Variants in ATXN8OS observed in about 807,000 individuals in gnomAD.
The protein encoded by ATXN8OS is ATXN8 opposite strand (non-protein coding).
chr13:70,145,267 T>G (rs1257184297), intron 3 of ATXN8OS, among the ~76,000 whole-genome samples: 1 of 152,152 alleles, frequency 6.6e-6, no homozygotes, highest in Non-Finnish European at 1.5e-5. Flanking sequence ...TGTAGTATAG[T>G]TTCAAGTCAG....
At chr13:70,133,198 G>A (rs150746261) in intron 3 of ATXN8OS, among the ~76,000 whole-genome samples, 1,527 of 152,310 alleles carry the variant, frequency 0.01, 25 homozygotes, top group African/African-American at 0.035. Context: ...CTGAAGCCAG[G>A]ATTTCGAGAG....
intron 3 of ATXN8OS, among the ~76,000 whole-genome samples, chr13:70,138,744 T>C (rs1174992120): frequency 3.3e-5 from 5 of 152,142 alleles, no homozygotes; most frequent in Admixed American, 1.3e-4. Flanking sequence ...ACAAATTCCA[T>C]ACACTAAACA....
chr13:70,125,479 A>G (rs1250697113), intron 2 of ATXN8OS, among the ~76,000 whole-genome samples: 1 of 152,166 alleles, frequency 6.6e-6, no homozygotes, highest in Admixed American at 6.5e-5. Context: ...CAAGTATTCA[A>G]TGGGTACTCA....
At chr13:70,139,838 A>G (rs765729430) in intron 3 of ATXN8OS, among the ~76,000 whole-genome samples, 12 of 152,094 alleles carry the variant, frequency 7.9e-5, no homozygotes, top group Non-Finnish European at 1.5e-4. Flanking sequence ...CTATACAACT[A>G]TTCTTGTAAG....
chr13:70,127,627 C>T (rs9542180), intron 2 of ATXN8OS, among the ~76,000 whole-genome samples: 32,532 of 151,668 alleles, frequency 0.21, 3,895 homozygotes, highest in South Asian at 0.39. Context: ...ACAACACGTA[C>T]TTTCACCAGA....
chr13:70,159,561 A>C (rs1888978518), intron 4 of ATXN8OS, among the ~76,000 whole-genome samples: 1 of 152,120 alleles, frequency 6.6e-6, no homozygotes, highest in South Asian at 2.1e-4. Flanking sequence ...CGTGCATACC[A>C]TACAATTTAC....
chr13:70,156,016 G>T (rs1379815089), intron 4 of ATXN8OS, among the ~76,000 whole-genome samples: 1 of 151,816 alleles, frequency 6.6e-6, no homozygotes, highest in Admixed American at 6.6e-5. Flanking sequence ...CAATGTATAG[G>T]TTATCAAATG....
chr13:70,142,217 T>C (rs1019688471), intron 3 of ATXN8OS, among the ~76,000 whole-genome samples: 19 of 152,320 alleles, frequency 1.2e-4, no homozygotes, highest in African/African-American at 4.1e-4. Flanking sequence ...TGGGTATTTG[T>C]GTGTTTCTAG....
intron 3 of ATXN8OS, among the ~76,000 whole-genome samples, chr13:70,143,652 C>T (rs1439665158): frequency 1.3e-5 from 2 of 152,090 alleles, no homozygotes; most frequent in Admixed American, 6.6e-5. Context: ...GGGTACCTCA[C>T]CTCTGTTTTA....
intron 3 of ATXN8OS, among the ~76,000 whole-genome samples, chr13:70,145,582 G>C (rs1253634846): frequency 1.3e-5 from 2 of 151,948 alleles, no homozygotes; most frequent in African/African-American, 4.8e-5. Flanking sequence ...TTGTAAGTTG[G>C]ATTCCTAGGT....
intron 2 of ATXN8OS, among the ~76,000 whole-genome samples, chr13:70,128,692 T>G (rs1384192176): frequency 6.6e-6 from 1 of 152,080 alleles, no homozygotes; most frequent in East Asian, 1.9e-4. Flanking sequence ...AATGCAAAAT[T>G]TACTCTTGTG....
intron 4 of ATXN8OS, among the ~76,000 whole-genome samples, chr13:70,167,626 G>A (rs574201508): frequency 2.0e-5 from 3 of 146,702 alleles, no homozygotes; most frequent in South Asian, 2.2e-4. Flanking sequence ...TAACCTGCAC[G>A]TTGTGCACAT....
At chr13:70,166,946 C>A (rs1241031324) in intron 4 of ATXN8OS, among the ~76,000 whole-genome samples, 2 of 151,498 alleles carry the variant, frequency 1.3e-5, no homozygotes, top group African/African-American at 2.4e-5. Flanking sequence ...CAGAGAAATG[C>A]AAATCAAAAC....
chr13:70,121,862 T>C (rs1331022840), intron 2 of ATXN8OS, among the ~76,000 whole-genome samples: 2 of 152,196 alleles, frequency 1.3e-5, no homozygotes, highest in East Asian at 3.9e-4. Flanking sequence ...AGGAATGTTA[T>C]GTGCAATTAA....
intron 3 of ATXN8OS, among the ~76,000 whole-genome samples, chr13:70,145,118 T>C (rs1036948973): frequency 3.3e-5 from 5 of 152,062 alleles, no homozygotes; most frequent in Non-Finnish European, 1.5e-5. Context: ...ATCCTTTCCC[T>C]ATTTCTTGTT....
intron 2 of ATXN8OS, among the ~76,000 whole-genome samples, chr13:70,129,466 G>T (rs1888496733): frequency 6.6e-6 from 1 of 151,712 alleles, no homozygotes; most frequent in South Asian, 2.1e-4. Flanking sequence ...GATACACTCA[G>T]GCTTTCTTTC....
chr13:70,165,703 G>T (rs1205379189), intron 4 of ATXN8OS, among the ~76,000 whole-genome samples: 6 of 151,834 alleles, frequency 4.0e-5, no homozygotes, highest in African/African-American at 1.5e-4. Context: ...TAGAGCTCAG[G>T]GAAGCAAATT....
At chr13:70,154,678 A>G (rs1888914707) in intron 4 of ATXN8OS, among the ~76,000 whole-genome samples, 1 of 151,846 alleles carries the variant, frequency 6.6e-6, no homozygotes, top group Non-Finnish European at 1.5e-5. Context: ...TGCTCTAGAG[A>G]CTCTCCCAGC....
At chr13:70,127,521 A>G (rs1445394786) in intron 2 of ATXN8OS, among the ~76,000 whole-genome samples, 1 of 152,106 alleles carries the variant, frequency 6.6e-6, no homozygotes, top group Non-Finnish European at 1.5e-5. Flanking sequence ...CATGATTTCT[A>G]TAATCATGTA....
Sources: gnomAD v4.1 joint callset for allele counts (sites outside exome capture counted in the v4.1 genomes callset) on GRCh38, gnomAD v4.1.1 for gene constraint, MANE v1.5 for transcripts, NCBI Gene and HGNC (gene_info 2026-07-23, HGNC 2026-07-21) for gene names.